The following PCDH15 variants were observed in gnomAD, a reference collection of about 807,000 sequenced individuals.
PCDH15 encodes protocadherin-15.
Under a neutral mutation model 178.5 loss-of-function variants are expected in PCDH15, and 129 were observed. The ratio of observed to expected loss-of-function variants is 0.72; its 90% CI spans 0.63 to 0.84. The LOEUF (loss-of-function observed/expected upper bound fraction) is 0.84, where lower values mean the gene tolerates loss of function less well. PCDH15 is among the 40% of genes least tolerant of loss of function. The pLI, the probability that PCDH15 is intolerant of heterozygous loss-of-function variation, is 0.00. For synonymous variants in PCDH15, 800 were observed against 732.0 expected (o/e 1.09, Z -1.50); for missense variants, 2,230 against 2,099.9 (o/e 1.06, Z -1.21).
chr10:54,810,852 T>C (rs1361306535), intron 3 of PCDH15, among the ~76,000 whole-genome samples: 2 of 152,000 alleles, frequency 1.3e-5, no homozygotes, highest in African/African-American at 4.8e-5. Flanking sequence ...TTTGAGAAAA[T>C]AGGTTTGATT....
chr10:54,962,130 G>T (rs947504942), intron 2 of PCDH15, among the ~76,000 whole-genome samples: 2 of 152,244 alleles, frequency 1.3e-5, no homozygotes, highest in South Asian at 2.1e-4. Context: ...GGAGTGAAAG[G>T]AGCTGTAACA....
chr10:54,968,440 C>T (rs969782793), intron 2 of PCDH15, among the ~76,000 whole-genome samples: 1 of 12,200 alleles, frequency 8.2e-5, no homozygotes, highest in African/African-American at 2.1e-4. Flanking sequence ...TATAGATTGA[C>T]ATTTTTTTTT....
chr10:53,948,396 G>T (rs938008959), intron 23 of PCDH15, among the ~76,000 whole-genome samples: 1 of 151,966 alleles, frequency 6.6e-6, no homozygotes, highest in Non-Finnish European at 1.5e-5. Context: ...CATTAATATA[G>T]TAATTTCTGC....
intron 5 of PCDH15, among the ~76,000 whole-genome samples, chr10:54,359,486 T>C (rs2060057042): frequency 6.6e-6 from 1 of 151,936 alleles, no homozygotes; most frequent in South Asian, 2.1e-4. Context: ...TAATGTAAAA[T>C]ATAGTTGTAA....
chr10:55,522,261 T>C (rs7099705), intron 2 of PCDH15, among the ~76,000 whole-genome samples: 53,366 of 151,718 alleles, frequency 0.35, 10,208 homozygotes, highest in African/African-American at 0.52. Flanking sequence ...GATATCTCAC[T>C]ATGGTTTTAA....
chr10:53,998,873 G>A (rs903357316), intron 20 of PCDH15, among the ~76,000 whole-genome samples: 8 of 151,728 alleles, frequency 5.3e-5, no homozygotes, highest in African/African-American at 7.3e-5. Flanking sequence ...CCAACATGGC[G>A]AAACTGTGTC....
At chr10:54,989,225 C>G (rs2131914676) in intron 2 of PCDH15, among the ~76,000 whole-genome samples, 1 of 152,298 alleles carries the variant, frequency 6.6e-6, no homozygotes, top group African/African-American at 2.4e-5. Context: ...GGGGTGGGGC[C>G]TTCATGAAGA....
chr10:53,838,699 T>C (rs2077454895), intron 29 of PCDH15, among the ~76,000 whole-genome samples: 1 of 152,206 alleles, frequency 6.6e-6, no homozygotes, highest in Admixed American at 6.5e-5. Flanking sequence ...CGAAAGAATA[T>C]ATATGAATTA....
intron 2 of PCDH15, chr10:55,600,181 A>G (rs990586319): frequency 2.3e-5 from 6 of 258,370 alleles, no homozygotes; most frequent in Admixed American, 5.1e-5. Flanking sequence ...TGGCTAACAT[A>G]GTAAAACCCT....
intron 2 of PCDH15, among the ~76,000 whole-genome samples, chr10:55,327,262 G>A (rs1241847040): frequency 6.6e-6 from 1 of 152,044 alleles, no homozygotes; most frequent in African/African-American, 2.4e-5. Context: ...CAATTCTGCT[G>A]GTGCCTTGAT....
chr10:54,173,690 A>G (rs2047129948), intron 13 of PCDH15, among the ~76,000 whole-genome samples: 1 of 152,186 alleles, frequency 6.6e-6, no homozygotes, highest in Non-Finnish European at 1.5e-5. Flanking sequence ...GGACTGTGTA[A>G]GGTGTTAGGC....
chr10:54,543,513 C>T (rs771829439), intron 2 of PCDH15, among the ~76,000 whole-genome samples: 7 of 152,160 alleles, frequency 4.6e-5, no homozygotes, highest in African/African-American at 1.4e-4. Context: ...GACAAGGGAA[C>T]CTTTCCCATT....
intron 2 of PCDH15, among the ~76,000 whole-genome samples, chr10:55,506,721 C>T (rs1373297420): frequency 6.6e-6 from 1 of 151,460 alleles, no homozygotes; most frequent in African/African-American, 2.4e-5. Context: ...TTTCTGAATC[C>T]TTCAGCATGT....
chr10:54,686,938 ATG>A (rs142463390), intron 1 of PCDH15, among the ~76,000 whole-genome samples: 30,685 of 151,888 alleles, frequency 0.2, 3,489 homozygotes, highest in Middle Eastern at 0.28. Flanking sequence ...TCAATAAAGC[ATG>A]TGACTTGATT....
intron 7 of PCDH15, among the ~76,000 whole-genome samples, chr10:54,319,823 T>C (rs61853341): frequency 0.2 from 31,091 of 151,854 alleles, 3,244 homozygotes; most frequent in Admixed American, 0.23. Flanking sequence ...TGGTTAATAG[T>C]ACATTTTGGT....
chr10:55,478,569 G>A (rs1361591013), intron 2 of PCDH15, among the ~76,000 whole-genome samples: 1 of 151,188 alleles, frequency 6.6e-6, no homozygotes, highest in Non-Finnish European at 1.5e-5. Context: ...AACTAAAGGA[G>A]CTAATGTTGT....
chr10:54,731,571 C>CAG (rs376753438), intron 1 of PCDH15, among the ~76,000 whole-genome samples: 2 of 98,426 alleles, frequency 2.0e-5, no homozygotes, highest in East Asian at 2.6e-4. Context: ...TATACACACA[C>CAG]ACACACACAC....
chr10:54,078,397 A>G (rs1275410713), intron 17 of PCDH15, among the ~76,000 whole-genome samples: 1 of 152,012 alleles, frequency 6.6e-6, no homozygotes, highest in African/African-American at 2.4e-5. Flanking sequence ...TTTATTTTAC[A>G]TTTATTATTA....
chr10:55,348,346 C>T (rs748721171), intron 2 of PCDH15, among the ~76,000 whole-genome samples: 8 of 152,044 alleles, frequency 5.3e-5, no homozygotes, highest in South Asian at 2.1e-4. Context: ...GGTCCTGTTA[C>T]GTGTGTTTGA....
Sources: allele counts gnomAD v4.1 joint callset (sites outside exome capture counted in the v4.1 genomes callset), GRCh38; gene constraint gnomAD v4.1.1; transcripts MANE v1.5; gene names NCBI Gene and HGNC (gene_info 2026-07-23, HGNC 2026-07-21).